Variants in PIP4K2A observed in about 807,000 individuals in gnomAD.
PIP4K2A encodes phosphatidylinositol 5-phosphate 4-kinase type-2 alpha.
In PIP4K2A, 14 loss-of-function variants were observed where a neutral mutation model predicts 42.9. That is an observed-to-expected ratio of 0.33 (90% CI 0.22 to 0.51). PIP4K2A has a LOEUF of 0.51. Among genes scored for constraint, PIP4K2A ranks in the 20% least tolerant of loss-of-function variants. The pLI is 0.97. For synonymous variants in PIP4K2A, 192 were observed against 192.2 expected, an observed-to-expected ratio of 1.00 and a Z score of 0.01; for missense variants, 434 against 519.8, an observed-to-expected ratio of 0.83 and a Z score of 1.61.
intron 1 of PIP4K2A, among the ~76,000 whole-genome samples, chr10:22,627,088 T>TAA (rs11423153): frequency 6.6e-6 from 1 of 151,700 alleles, no homozygotes; most frequent in African/African-American, 2.4e-5. Context: ...CTATCAACTA[T>TAA]AAAAAAAAGA....
chr10:22,627,612 A>G (rs1838472299), intron 1 of PIP4K2A, among the ~76,000 whole-genome samples: 1 of 141,606 alleles, frequency 7.1e-6, no homozygotes, highest in African/African-American at 2.6e-5. Flanking sequence ...AAAAAAAAAA[A>G]AAAAAAAAAA....
chr10:22,706,193 T>A (rs1470228898), intron 1 of PIP4K2A, among the ~76,000 whole-genome samples: 1 of 152,008 alleles, frequency 6.6e-6, no homozygotes, highest in Non-Finnish European at 1.5e-5. Flanking sequence ...CCAAACCATA[T>A]CACCCATCTT....
intron 1 of PIP4K2A, among the ~76,000 whole-genome samples, chr10:22,652,248 G>A (rs994979530): frequency 2.0e-5 from 3 of 151,650 alleles, no homozygotes; most frequent in African/African-American, 2.4e-5. Context: ...TCAGTCTCCC[G>A]AGTAGCTGGG....
At chr10:22,569,655 CTGTGTGTGTG>C (rs145635674) in intron 5 of PIP4K2A, among the ~76,000 whole-genome samples, 1 of 151,172 alleles carries the variant, frequency 6.6e-6, no homozygotes, top group Non-Finnish European at 1.5e-5. Context: ...GTGTGTGTGT[CTGTGTGTGTG>C]TGTGTCTGTC....
At chr10:22,660,717 TTTTC>T (rs1432672289) in intron 1 of PIP4K2A, among the ~76,000 whole-genome samples, 3 of 152,150 alleles carry the variant, frequency 2.0e-5, no homozygotes, top group Non-Finnish European at 4.4e-5. Flanking sequence ...TTCCTTACAT[TTTTC>T]TTTAATAATC....
chr10:22,542,121 G>A (rs561138537), intron 7 of PIP4K2A, 74 bp from the exon 8 acceptor site: 782 of 1,373,858 alleles, frequency 5.7e-4, no homozygotes, highest in Non-Finnish European at 7.5e-4. Context: ...AGACAAGCTC[G>A]GGTGACACCC....
chr10:22,595,045 A>G (rs1186370792), intron 3 of PIP4K2A, among the ~76,000 whole-genome samples: 1 of 152,226 alleles, frequency 6.6e-6, no homozygotes, highest in Admixed American at 6.5e-5. Flanking sequence ...TCATATCACT[A>G]TGAATATAAA....
intron 7 of PIP4K2A, among the ~76,000 whole-genome samples, chr10:22,549,114 C>T (rs1229186228): frequency 2.0e-5 from 3 of 151,964 alleles, no homozygotes; most frequent in Admixed American, 6.6e-5. Flanking sequence ...AGGTTCTAAT[C>T]CAAGTATGTA....
rs139034410 is a variant in PIP4K2A, at chr10:22,557,718, A to T, written c.679-6946T>A. On this transcript the variant is annotated intron_variant, in intron 6 of 9. Transcript: ENST00000376573. The stretch of plus-strand genomic sequence containing the variant: ...AACATTAAACAGAATTCAAACTAAA[A>T]TATCATTGGATTTTTAATGATCATT... Among the ~76,000 whole-genome samples the T allele has an allele frequency of 8.3e-4, 127 of 152,360 alleles. No homozygotes were observed. In the East Asian group the frequency reaches 0.024, roughly 29 times the overall value.
intron 3 of PIP4K2A, among the ~76,000 whole-genome samples, chr10:22,596,133 A>G (rs1490555621): frequency 7.6e-6 from 1 of 132,014 alleles, no homozygotes; most frequent in Non-Finnish European, 1.6e-5. Context: ...TGAACCTGGG[A>G]GGCGGAGGCT....
intron 5 of PIP4K2A, among the ~76,000 whole-genome samples, chr10:22,572,949 C>CT (rs1256750700): frequency 1.3e-5 from 2 of 152,206 alleles, no homozygotes; most frequent in African/African-American, 4.8e-5. Flanking sequence ...GCACTTACCA[C>CT]TTCTGGGTAT....
At chr10:22,589,950 C>A (rs1375440578) in intron 4 of PIP4K2A, among the ~76,000 whole-genome samples, 1 of 152,194 alleles carries the variant, frequency 6.6e-6, no homozygotes, top group Non-Finnish European at 1.5e-5. Flanking sequence ...CGTTGAAACC[C>A]TAATCCCCAA....
intron 1 of PIP4K2A, among the ~76,000 whole-genome samples, chr10:22,645,608 T>C (rs1399498983): frequency 1.3e-5 from 2 of 148,148 alleles, no homozygotes; most frequent in Non-Finnish European, 1.5e-5. Context: ...TTTGAAGGAA[T>C]GAAAACAAGT....
chr10:22,578,962 A>G (rs1332081736), intron 4 of PIP4K2A, among the ~76,000 whole-genome samples: 1 of 152,208 alleles, frequency 6.6e-6, no homozygotes, highest in Non-Finnish European at 1.5e-5. Flanking sequence ...TACAAATATG[A>G]AAATTCTAGA....
At chr10:22,577,111 T>C (rs1340423565) in intron 4 of PIP4K2A, among the ~76,000 whole-genome samples, 2 of 150,824 alleles carry the variant, frequency 1.3e-5, no homozygotes, top group East Asian at 1.9e-4. Flanking sequence ...TATTCATAGA[T>C]TCACTTAAAA....
intron 1 of PIP4K2A, among the ~76,000 whole-genome samples, chr10:22,614,237 A>G (rs1838121167): frequency 6.6e-6 from 1 of 152,270 alleles, no homozygotes; most frequent in Non-Finnish European, 1.5e-5. Flanking sequence ...TAAGAAGACA[A>G]GAAATGAGAC....
At chr10:22,707,300 C>T (rs1409757931) in intron 1 of PIP4K2A, among the ~76,000 whole-genome samples, 1 of 152,232 alleles carries the variant, frequency 6.6e-6, no homozygotes, top group African/African-American at 2.4e-5. Flanking sequence ...TTCAAGGTCA[C>T]ATAGCCAACC....
chr10:22,665,797 T>C (rs981231175), intron 1 of PIP4K2A, among the ~76,000 whole-genome samples: 1 of 151,664 alleles, frequency 6.6e-6, no homozygotes, highest in African/African-American at 2.4e-5. Flanking sequence ...GCTATAAATA[T>C]ATTTATATAT....
At position 22,714,355 on chromosome 10, in the gene PIP4K2A, G is replaced by A. The variant is rs777801140; in HGVS notation, c.-29C>T. 5.3e-6 allele frequency: 8 copies of A among 1,519,086 alleles called. No individual in the cohort carries two copies. Among genetic ancestry groups the A allele is most frequent in the Non-Finnish European group, 7.1e-6 (8 of 1,129,306 alleles). 94.1% of individuals were successfully genotyped at this position (1,519,086 alleles called of 1,614,324 possible). On this transcript the variant is annotated 5_prime_UTR_variant, in exon 1 of 10. It adds an upstream start codon to the 5' untranslated region. Transcript: ENST00000376573. ...CGCCTCCTATGTCCCCTCCACCGCC[G>A]TGCTCCCGAGGCCGGGGACCCGCCC...
Sources: allele counts gnomAD v4.1 joint callset (sites outside exome capture counted in the v4.1 genomes callset), GRCh38; gene constraint gnomAD v4.1.1; transcripts MANE v1.5; gene names NCBI Gene and HGNC (gene_info 2026-07-23, HGNC 2026-07-21).